ZNF618: variants seen among roughly 807,000 people sequenced by gnomAD.
ZNF618 encodes the protein neural precursor cell expressed, developmentally down-regulated 10.
ZNF618 carries 34 observed loss-of-function variants against 103.0 expected under a neutral mutation model. The observed-to-expected ratio is 0.33, with a 90% CI of 0.25 to 0.44. The LOEUF (loss-of-function observed/expected upper bound fraction) is 0.44, where lower values mean the gene tolerates loss of function less well. Among genes scored for constraint, ZNF618 ranks in the 20% least tolerant of loss-of-function variants. ZNF618 has a pLI of 1.00. For missense variants in ZNF618, 1,059 were observed against 1,295.4 expected, an observed-to-expected ratio of 0.82 and a Z score of 2.80; for synonymous variants, 551 against 542.2, an observed-to-expected ratio of 1.02 and a Z score of -0.23.
At chr9:113,958,117 C>T (rs1363368676) in intron 1 of ZNF618, among the ~76,000 whole-genome samples, 1 of 152,138 alleles carries the variant, frequency 6.6e-6, no homozygotes, top group Non-Finnish European at 1.5e-5. Context: ...AGCATTTATG[C>T]ACCCAGAGGA....
Position 114,051,723 on chromosome 9 carries a change from C to T in ZNF618, c.*1556C>T, listed in dbSNP as rs1223719567. The T allele has an allele frequency of 2.0e-5, 3 of 152,390 alleles. No homozygotes were observed. Among genetic ancestry groups the T allele is most frequent in the South Asian group, 4.1e-4 (2 of 4,830 alleles). 9.4% of individuals were successfully genotyped at this position (152,390 alleles called of 1,614,324 possible). ...GGGTGGGATGGTGTTTGGCCATGTTCGACTCGATGCTGTGAAAGATGTCTT... is the reference window on the plus strand; with the variant it reads ...GGGTGGGATGGTGTTTGGCCATGTTTGACTCGATGCTGTGAAAGATGTCTT... On this transcript the variant is annotated 3_prime_UTR_variant, in exon 15 of 15. Coordinates refer to ENST00000374126, the MANE Select transcript of ZNF618 (RefSeq NM_001318042.2).
intron 1 of ZNF618, among the ~76,000 whole-genome samples, chr9:113,901,324 G>C (rs1027960478): frequency 6.6e-6 from 1 of 152,168 alleles, no homozygotes; most frequent in African/African-American, 2.4e-5. Flanking sequence ...GCATCTCCTT[G>C]CCCCGTCTCC....
chr9:114,048,994 C>T lies in ZNF618; in HGVS notation c.1692C>T (p.Tyr564=). 1 of 1,613,450 alleles carries T rather than the reference C, an allele frequency of 6.2e-7. No homozygotes were observed. Among genetic ancestry groups the T allele is most frequent in the Non-Finnish European group, 8.5e-7 (1 of 1,179,586 alleles). The change falls in exon 15 of 15, where the codon TAC becomes TAT. Residue 564 remains tyrosine (Y), a synonymous_variant. Coordinates refer to ENST00000374126, the MANE Select transcript of ZNF618 (RefSeq NM_001318042.2). ...AGAGTGTTGGCCCTGACTCCTGCTACATCCTCACAGCCTACCAGGCCGAGG... is the reference window on the plus strand; with the variant it reads ...AGAGTGTTGGCCCTGACTCCTGCTATATCCTCACAGCCTACCAGGCCGAGG... ...HSQSVGPDSC[Y]ILTAYQAEGN...
intron 3 of ZNF618, among the ~76,000 whole-genome samples, chr9:113,989,903 G>C (rs1212350922): frequency 1.3e-5 from 2 of 152,242 alleles, no homozygotes; most frequent in Non-Finnish European, 2.9e-5. Context: ...GCTGCCAGGA[G>C]GCCTTGGCCA....
chr9:114,033,728 G>A (rs192905374), intron 12 of ZNF618, among the ~76,000 whole-genome samples: 42 of 152,314 alleles, frequency 2.8e-4, no homozygotes, highest in African/African-American at 9.6e-4. Flanking sequence ...GGGCAGGAGG[G>A]GAGAGGAATT....
At chr9:114,035,317 C>T in intron 12 of ZNF618, 5 of 935,308 alleles carry the variant, frequency 5.3e-6, no homozygotes, top group Non-Finnish European at 6.4e-6. Context: ...CTCCTGGAGC[C>T]TCCAGGCTGT....
chr9:114,029,325 A>G (rs1843796398), intron 11 of ZNF618, among the ~76,000 whole-genome samples: 1 of 152,214 alleles, frequency 6.6e-6, no homozygotes, highest in Non-Finnish European at 1.5e-5. Context: ...CCAGCTTCTG[A>G]ACATCAAATT....
intron 1 of ZNF618, among the ~76,000 whole-genome samples, chr9:113,956,412 C>T (rs1454027258): frequency 6.6e-6 from 1 of 152,110 alleles, no homozygotes; most frequent in Admixed American, 6.5e-5. Context: ...ATGGTTAGAA[C>T]AGGCCATTCT....
At chr9:114,006,801 G>C (rs911341714) in intron 6 of ZNF618, among the ~76,000 whole-genome samples, 1 of 152,150 alleles carries the variant, frequency 6.6e-6, no homozygotes, top group African/African-American at 2.4e-5. Flanking sequence ...GTTGCTAGCA[G>C]GTTTAACAAC....
chr9:113,964,587 A>T (rs1009661112), intron 1 of ZNF618, among the ~76,000 whole-genome samples: 4 of 151,850 alleles, frequency 2.6e-5, no homozygotes, highest in Admixed American at 1.3e-4. Context: ...TTATCTCTTC[A>T]TCTTTTGCAG....
At chr9:113,900,174 CAGCTTGCTGAGT>C (rs1830391864) in intron 1 of ZNF618, among the ~76,000 whole-genome samples, 2 of 152,160 alleles carry the variant, frequency 1.3e-5, no homozygotes, top group Non-Finnish European at 2.9e-5. Flanking sequence ...TCTCGTGCCT[CAGCTTGCTGAGT>C]AGCTGGCTGG....
intron 13 of ZNF618, among the ~76,000 whole-genome samples, chr9:114,047,182 C>G (rs1845723045): frequency 6.6e-6 from 1 of 152,146 alleles, no homozygotes; most frequent in Non-Finnish European, 1.5e-5. Flanking sequence ...TTACTTATAA[C>G]TGGATACCAC....
At chr9:114,044,545 A>G (rs1238952541) in intron 13 of ZNF618, among the ~76,000 whole-genome samples, 1 of 151,998 alleles carries the variant, frequency 6.6e-6, no homozygotes, top group African/African-American at 2.4e-5. Flanking sequence ...GTACCATATA[A>G]ATTTTAGGAT....
chr9:113,878,521 A>G (rs1035212576), intron 1 of ZNF618, among the ~76,000 whole-genome samples: 10 of 152,230 alleles, frequency 6.6e-5, no homozygotes, highest in Non-Finnish European at 8.8e-5. Context: ...GCAAATAAAT[A>G]TTGACCGAAT....
At chr9:113,984,603 C>G (rs1839284244) in intron 2 of ZNF618, among the ~76,000 whole-genome samples, 1 of 152,186 alleles carries the variant, frequency 6.6e-6, no homozygotes, top group African/African-American at 2.4e-5. Context: ...TGAATCTTTT[C>G]AGGTGGCATG....
At chr9:114,005,993 T>C (rs962336482) in intron 6 of ZNF618, among the ~76,000 whole-genome samples, 15 of 152,324 alleles carry the variant, frequency 9.8e-5, no homozygotes, top group African/African-American at 3.6e-4. Flanking sequence ...AACCTGTGGC[T>C]CCTTGCTCAG....
chr9:113,951,531 G>GTGTGAGTGCACATATA, intron 1 of ZNF618, among the ~76,000 whole-genome samples: 573 of 25,164 alleles, frequency 0.023, 34 homozygotes, highest in Non-Finnish European at 0.026. Flanking sequence ...GTACACATAT[G>GTGTGAGTGCACATATA]TGTGTACATA....
chr9:113,903,070 T>A (rs766364559), intron 1 of ZNF618, among the ~76,000 whole-genome samples: 1 of 152,222 alleles, frequency 6.6e-6, no homozygotes, highest in African/African-American at 2.4e-5. Flanking sequence ...GGTCTTGAAC[T>A]CCTGACCTGA....
intron 10 of ZNF618, among the ~76,000 whole-genome samples, chr9:114,023,391 G>C (rs375258317): frequency 6.6e-6 from 1 of 151,900 alleles, no homozygotes; most frequent in East Asian, 1.9e-4. Flanking sequence ...CTTTACAATG[G>C]CATACTTCCC....
Sources: gnomAD v4.1 joint callset for allele counts (sites outside exome capture counted in the v4.1 genomes callset) on GRCh38, gnomAD v4.1.1 for gene constraint, MANE v1.5 for transcripts, NCBI Gene and HGNC (gene_info 2026-07-23, HGNC 2026-07-21) for gene names.